Variants in PYGO1 observed in about 807,000 individuals in gnomAD.
PYGO1 encodes pygopus family PHD finger 1, also known as pygopus homolog 1.
Under a neutral mutation model 29.5 loss-of-function variants are expected in PYGO1, and 6 were observed. The ratio of observed to expected loss-of-function variants is 0.20; its 90% CI spans 0.11 to 0.40. PYGO1 has a LOEUF of 0.40. Ranked by LOEUF, PYGO1 falls within the 10% of genes least tolerant of loss-of-function variation. The pLI, the probability that PYGO1 is intolerant of heterozygous loss-of-function variation, is 1.00. For missense variants in PYGO1, 515 were observed against 514.9 expected, an observed-to-expected ratio of 1.00 and a Z score of 0.00; for synonymous variants, 186 against 180.5, an observed-to-expected ratio of 1.03 and a Z score of -0.24.
In PYGO1 at chr15:55,541,113, A is replaced by G. The variant is rs977869609; in HGVS notation, c.*4910T>C. 3.9e-5 allele frequency: 6 copies of G among 152,350 alleles called. No homozygotes were observed. The highest frequency in any genetic ancestry group is 1.4e-4 in the African/African-American group (6 of 41,592). The allele number at this position is 152,350 out of a possible 1,614,324, so 9.4% of individuals were successfully genotyped here. On this transcript the variant is annotated 3_prime_UTR_variant, in exon 3 of 3. Transcript: ENST00000563719. ...AGATGCTTATCCACTGAGTTTCATC[A>G]AAAGTTTTAAATTAAATACAGGCAG...
intron 2 of PYGO1, among the ~76,000 whole-genome samples, chr15:55,547,767 G>C (rs560074064): frequency 6.6e-6 from 1 of 152,272 alleles, no homozygotes; most frequent in South Asian, 2.1e-4. Context: ...ATCATAGAAA[G>C]AGTGCTTCAA....
chr15:55,558,873 T>C (rs1165295302), intron 1 of PYGO1, among the ~76,000 whole-genome samples: 1 of 151,758 alleles, frequency 6.6e-6, no homozygotes, highest in Non-Finnish European at 1.5e-5. Flanking sequence ...CCTAAAACCA[T>C]AAAATCCCTA....
intron 1 of PYGO1, among the ~76,000 whole-genome samples, chr15:55,582,247 G>T (rs1249653851): frequency 2.7e-5 from 4 of 150,766 alleles, no homozygotes; most frequent in Admixed American, 2.6e-4. Flanking sequence ...GAAATTCTAG[G>T]ACTTTGGGAC....
At chr15:55,553,077 T>C (rs1263958053) in intron 1 of PYGO1, among the ~76,000 whole-genome samples, 2 of 152,238 alleles carry the variant, frequency 1.3e-5, no homozygotes, top group Non-Finnish European at 2.9e-5. Context: ...GTCCAGGCAG[T>C]CTGGACGAAG....
chr15:55,556,885 T>TAA (rs199728261), intron 1 of PYGO1, among the ~76,000 whole-genome samples: 1 of 146,852 alleles, frequency 6.8e-6, no homozygotes. Flanking sequence ...GCACATATAC[T>TAA]AAAAAAAAAA....
At chr15:55,565,230 T>C (rs1370879624) in intron 1 of PYGO1, among the ~76,000 whole-genome samples, 1 of 152,002 alleles carries the variant, frequency 6.6e-6, no homozygotes, top group Non-Finnish European at 1.5e-5. Flanking sequence ...GGAGGTACAC[T>C]AGCAGGATGG....
upstream of PYGO1, among the ~76,000 whole-genome samples, chr15:55,588,487 C>T (rs1284220002): frequency 6.8e-6 from 1 of 147,224 alleles, no homozygotes; most frequent in African/African-American, 2.4e-5. Flanking sequence ...CTGCCTCGTC[C>T]CGCGGCGCCT....
At position 55,546,510 on chromosome 15, in the gene PYGO1, G is replaced by A; in HGVS notation, c.773C>T (p.Pro258Leu). 1 of 1,614,098 alleles carries A rather than the reference G, an allele frequency of 6.2e-7. No homozygotes were observed. Among genetic ancestry groups the A allele is most frequent in the Non-Finnish European group, 8.5e-7 (1 of 1,180,020 alleles). ...CACTGTGTCATCCATATTCAAGTGA[G>A]GTGGATGAGCAGAGGAATTTTGATT... ...NTNQNSSAHP[P>L]HLNMDDTVNQ... The change falls in exon 3 of 3, where the codon CCT becomes CTT. Residue 258 changes from proline to leucine, a missense_variant. Pro to Leu is a moderately conservative substitution (Grantham distance 98). Transcript: ENST00000563719.
intron 1 of PYGO1, among the ~76,000 whole-genome samples, chr15:55,569,443 C>A (rs528992858): frequency 1.3e-5 from 2 of 152,230 alleles, no homozygotes; most frequent in African/African-American, 2.4e-5. Context: ...CCTTTTAATA[C>A]TGTTGCCACT....
Position 55,540,536 on chromosome 15 carries a change from T to C in PYGO1, c.*5487A>G, listed in dbSNP as rs1266029423. 3 of 152,130 alleles carry C rather than the reference T, an allele frequency of 2.0e-5. No individual in the cohort carries two copies. The highest frequency in any genetic ancestry group is 4.4e-5 in the Non-Finnish European group (3 of 67,968). The allele number at this position is 152,130 out of a possible 1,614,324, so 9.4% of individuals were successfully genotyped here. On this transcript the variant is annotated 3_prime_UTR_variant, in exon 3 of 3. Transcript: ENST00000563719. ...AGTTGGTAACACTAAAATTTACTCC[T>C]CTCCCATTTGAAAGACATCAGGCCA...
At chr15:55,552,881 G>A (rs1002941218) in intron 1 of PYGO1, among the ~76,000 whole-genome samples, 3 of 152,198 alleles carry the variant, frequency 2.0e-5, no homozygotes, top group Admixed American at 6.5e-5. Flanking sequence ...AATTCAGGGA[G>A]CCAAGCAGCA....
chr15:55,584,742 A>G (rs180684768), intron 1 of PYGO1, among the ~76,000 whole-genome samples: 4 of 152,330 alleles, frequency 2.6e-5, no homozygotes, highest in African/African-American at 9.6e-5. Context: ...TTATAATCAA[A>G]AGGTGAAGGT....
chr15:55,551,647 TAA>T (rs777777625), intron 1 of PYGO1, among the ~76,000 whole-genome samples: 31 of 149,416 alleles, frequency 2.1e-4, no homozygotes, highest in Non-Finnish European at 4.3e-4. Context: ...AAATTAAAAT[TAA>T]AAAAAAAATT....
chr15:55,547,677 C>A, intron 2 of PYGO1, among the ~76,000 whole-genome samples: 1 of 152,138 alleles, frequency 6.6e-6, no homozygotes. Context: ...CAGTTTTAGT[C>A]ACACTGCAAG....
chr15:55,566,869 T>C (rs1188838669), intron 1 of PYGO1, among the ~76,000 whole-genome samples: 1 of 152,128 alleles, frequency 6.6e-6, no homozygotes, highest in Non-Finnish European at 1.5e-5. Context: ...TAGCTGAGAC[T>C]ACAGGTGTGG....
chr15:55,576,952 G>A (rs1351588375), intron 1 of PYGO1, among the ~76,000 whole-genome samples: 1 of 151,616 alleles, frequency 6.6e-6, no homozygotes, highest in Non-Finnish European at 1.5e-5. Context: ...TGAGAACTAC[G>A]TAGCTAGGCA....
intron 1 of PYGO1, among the ~76,000 whole-genome samples, chr15:55,577,790 G>C (rs1358726968): frequency 1.6e-5 from 2 of 121,508 alleles, no homozygotes; most frequent in Non-Finnish European, 3.2e-5. Flanking sequence ...TTTTGAGACA[G>C]AGTCTCGCTC....
chr15:55,568,897 G>A (rs2058968716), intron 1 of PYGO1, among the ~76,000 whole-genome samples: 1 of 152,094 alleles, frequency 6.6e-6, no homozygotes. Context: ...CACACTTATT[G>A]ATTTGCTTAT....
chr15:55,551,102 A>AC (rs1397262198), intron 1 of PYGO1, among the ~76,000 whole-genome samples: 6 of 152,042 alleles, frequency 3.9e-5, no homozygotes, highest in Non-Finnish European at 1.5e-5. Context: ...ATGCTCGCTC[A>AC]CCCGCCAGTC....
Sources: allele counts gnomAD v4.1 joint callset (sites outside exome capture counted in the v4.1 genomes callset), GRCh38; gene constraint gnomAD v4.1.1; transcripts MANE v1.5; gene names NCBI Gene and HGNC (gene_info 2026-07-23, HGNC 2026-07-21).